The following MADD variants were observed in gnomAD, a reference collection of about 807,000 sequenced individuals.
MADD encodes the protein MAP kinase activating death domain, also known as MAP kinase-activating death domain protein.
A neutral mutation model predicts 176.7 loss-of-function variants in MADD; 109 were observed. The observed-to-expected ratio is 0.62, with a 90% CI of 0.53 to 0.72. MADD has a LOEUF of 0.72. Ranked by LOEUF, MADD falls within the 30% of genes least tolerant of loss-of-function variation. MADD has a pLI of 0.00. For synonymous variants in MADD, 771 were observed against 771.3 expected, an observed-to-expected ratio of 1.00 and a Z score of 0.01; for missense variants, 1,914 against 2,045.5, an observed-to-expected ratio of 0.94 and a Z score of 1.24.
At chr11:47,284,540 G>GCAC in exon 12 of MADD, 1 of 1,614,050 alleles carries the variant, frequency 6.2e-7, no homozygotes, top group South Asian at 1.1e-5. Context: ...AGCAGCCCCA[G>GCAC]CACTGTCATC....
exon 3 of MADD, chr11:47,274,917 C>T: frequency 6.2e-7 from 1 of 1,613,724 alleles, no homozygotes; most frequent in Non-Finnish European, 8.5e-7. Context: ...CAGAGAGTGG[C>T]TCATCCCTGC....
In MADD at chr11:47,290,100, G is replaced by A. The variant is rs111986095; in HGVS notation, c.2943+47G>A. On this transcript the variant is annotated intron_variant, in intron 17 of 32. Coordinates refer to ENST00000402192, the Ensembl canonical transcript of MADD. Reference sequence around the variant, plus strand: ...TCGGAGTAACTGGAGAGAGGGATGTGAACACCACAGGCAATTTGCCAACGC... The same window carrying A: ...TCGGAGTAACTGGAGAGAGGGATGTAAACACCACAGGCAATTTGCCAACGC... 4.3e-6 allele frequency: 7 copies of A among 1,612,584 alleles called. No individual in the cohort carries two copies. In the African/African-American group the frequency reaches 5.3e-5, roughly 12 times the overall value.
At chr11:47,289,068 C>A in intron 15 of MADD, 41 bp downstream of exon 16, 1 of 1,519,122 alleles carries the variant, frequency 6.6e-7, no homozygotes, top group Non-Finnish European at 8.9e-7. Flanking sequence ...TTTTTTTTTT[C>A]TCTAGCATCT....
At chr11:47,329,815 A>ACT (rs2095826600) in exon 33 of MADD, 3 of 152,646 alleles carry the variant, frequency 2.0e-5, no homozygotes, top group Non-Finnish European at 4.4e-5. Flanking sequence ...GTGGAGTCCC[A>ACT]GGGACCGCTG....
chr11:47,269,439 C>T (rs1958230425), upstream of MADD: 1 of 152,348 alleles, frequency 6.6e-6, no homozygotes, highest in African/African-American at 2.4e-5. Context: ...TTGGTTTTTC[C>T]TTTGGCATCT....
intron 25 of MADD, among the ~76,000 whole-genome samples, 181 bp downstream of exon 28, chr11:47,309,793 C>A (rs1320077570): frequency 1.3e-5 from 2 of 151,984 alleles, no homozygotes; most frequent in Non-Finnish European, 2.9e-5. Flanking sequence ...CTGAAGCTGC[C>A]AGCCAGTTTT....
At chr11:47,279,381 C>CTTTT (rs34428529) in intron 7 of MADD, among the ~76,000 whole-genome samples, 15 of 116,816 alleles carry the variant, frequency 1.3e-4, no homozygotes, top group Admixed American at 2.8e-4. Flanking sequence ...TTTTCTCAGT[C>CTTTT]TTTTTTTTTT....
At chr11:47,283,016 C>G in intron 10 of MADD, 47 bp downstream of exon 10, 1 of 1,579,860 alleles carries the variant, frequency 6.3e-7, no homozygotes, top group African/African-American at 1.3e-5. Flanking sequence ...TGAGGAGGCT[C>G]TCACTAGCCC....
At chr11:47,317,694 C>T (rs986046570) in intron 27 of MADD, among the ~76,000 whole-genome samples, 20 of 152,156 alleles carry the variant, frequency 1.3e-4, no homozygotes, top group African/African-American at 4.8e-4. Context: ...CCTGATCTGC[C>T]CACCAGAAAG....
At chr11:47,308,148 C>T (rs1311739060) in intron 22 of MADD, among the ~76,000 whole-genome samples, 1 of 152,152 alleles carries the variant, frequency 6.6e-6, no homozygotes, top group Non-Finnish European at 1.5e-5. Flanking sequence ...GTAAAGTAGT[C>T]CTATGAGGTA....
At chr11:47,323,358 A>C (rs1181004904) in intron 27 of MADD, among the ~76,000 whole-genome samples, 1 of 151,690 alleles carries the variant, frequency 6.6e-6, no homozygotes, top group African/African-American at 2.4e-5. Context: ...AGATGGCGCC[A>C]CTGCAGTCAA....
At chr11:47,308,652 C>G in exon 23 of MADD, 1 of 1,614,086 alleles carries the variant, frequency 6.2e-7, no homozygotes, top group Non-Finnish European at 8.5e-7. Flanking sequence ...CCCATTCGTA[C>G]TTCTGAAGAT....
intron 5 of MADD, among the ~76,000 whole-genome samples, chr11:47,277,563 C>G (rs1302726934): frequency 3.9e-5 from 6 of 152,224 alleles, no homozygotes; most frequent in Non-Finnish European, 8.8e-5. Context: ...TCCCAAAGTG[C>G]TGGGATTACA....
Position 47,294,083 on chromosome 11 carries a change from C to T in MADD, c.3402+100C>T, listed in dbSNP as rs560110878. The T allele has an allele frequency of 1.5e-4, 149 of 990,902 alleles. No individual in the cohort carries two copies. In the African/African-American group the frequency reaches 2.1e-3, roughly 14 times the overall value. The allele number at this position is 990,902 out of a possible 1,614,324, so 61.4% of individuals were successfully genotyped here. On this transcript the variant is annotated intron_variant, in intron 20 of 32. Coordinates refer to ENST00000402192, the Ensembl canonical transcript of MADD. ...ACAGTCAGACAGCCGGGCACAGTGG[C>T]TCATGCTTGTAATCCCAGCACTTTG...
intron 26 of MADD, among the ~76,000 whole-genome samples, chr11:47,314,846 G>A (rs1333845930): frequency 6.6e-6 from 1 of 152,058 alleles, no homozygotes; most frequent in African/African-American, 2.4e-5. Context: ...GCAAAAATGT[G>A]AAACAGTGCC....
At chr11:47,287,829 T>G (rs1356645354) in intron 15 of MADD, among the ~76,000 whole-genome samples, 2 of 143,412 alleles carry the variant, frequency 1.4e-5, no homozygotes, top group Non-Finnish European at 3.0e-5. Context: ...CTCGCTCTGT[T>G]GCCCAGGCTG....
At chr11:47,274,129 CAA>C (rs979152211) in intron 2 of MADD, among the ~76,000 whole-genome samples, 153 bp downstream of exon 2, 3 of 152,148 alleles carry the variant, frequency 2.0e-5, no homozygotes, top group Non-Finnish European at 2.9e-5. Flanking sequence ...AGGGAAAAAA[CAA>C]AATCAGGTGG....
intron 31 of MADD, chr11:47,328,145 A>T (rs1258267969): frequency 9.9e-7 from 1 of 1,015,116 alleles, no homozygotes; most frequent in Non-Finnish European, 1.2e-6. Context: ...TTACCTCTTC[A>T]TCCAGCCTCA....
intron 22 of MADD, among the ~76,000 whole-genome samples, chr11:47,298,449 T>C (rs2074922769): frequency 6.6e-6 from 1 of 152,200 alleles, no homozygotes; most frequent in Admixed American, 6.5e-5. Flanking sequence ...GGCCCATTAT[T>C]CCAAAACACC....
Sources: gnomAD v4.1 joint callset for allele counts (sites outside exome capture counted in the v4.1 genomes callset) on GRCh38, gnomAD v4.1.1 for gene constraint, MANE v1.5 for transcripts, NCBI Gene and HGNC (gene_info 2026-07-23, HGNC 2026-07-21) for gene names.